PTPN11: variants seen among roughly 807,000 people sequenced by gnomAD.
PTPN11 encodes protein tyrosine phosphatase non-receptor type 11.
PTPN11 carries 6 observed loss-of-function variants against 78.8 expected under a neutral mutation model. That is an observed-to-expected ratio of 0.08 (90% CI 0.04 to 0.15). The LOEUF is 0.15. Among genes scored for constraint, PTPN11 ranks in the 10% least tolerant of loss-of-function variants. PTPN11 has a pLI of 1.00. For synonymous variants in PTPN11, 221 were observed against 263.5 expected, an observed-to-expected ratio of 0.84 and a Z score of 1.56; for missense variants, 386 against 744.8, an observed-to-expected ratio of 0.52 and a Z score of 5.61.
chr12:112,423,297 T>C (rs1222721693), intron 1 of PTPN11, among the ~76,000 whole-genome samples: 1 of 152,178 alleles, frequency 6.6e-6, no homozygotes, highest in Non-Finnish European at 1.5e-5. Flanking sequence ...TGAAATTTTT[T>C]TTTTTTGAAA....
At chr12:112,496,763 T>C (rs1673672716) in intron 13 of PTPN11, among the ~76,000 whole-genome samples, 1 of 152,212 alleles carries the variant, frequency 6.6e-6, no homozygotes, top group Admixed American at 6.5e-5. Context: ...CATGTGAGAA[T>C]TGTATTTGCA....
intron 5 of PTPN11, chr12:112,454,894 A>C: frequency 1.7e-6 from 1 of 586,646 alleles, no homozygotes. Flanking sequence ...ATCTTGGCTC[A>C]CTACAACCTC....
intron 10 of PTPN11, 134 bp from the exon 11 acceptor site, chr12:112,486,341 C>T (rs573628273): frequency 5.2e-5 from 49 of 940,440 alleles, no homozygotes; most frequent in Non-Finnish European, 7.0e-5. Flanking sequence ...GGGAACCTCA[C>T]GAAGAGGACC....
At chr12:112,432,833 G>A (rs1306410847) in intron 1 of PTPN11, among the ~76,000 whole-genome samples, 4 of 151,946 alleles carry the variant, frequency 2.6e-5, no homozygotes, top group Admixed American at 1.3e-4. Flanking sequence ...AGATTATGGT[G>A]GAGCTGTCCT....
chr12:112,488,268 G>A (rs1592853978), intron 11 of PTPN11, among the ~76,000 whole-genome samples, 175 bp from the exon 12 acceptor site: 1 of 152,070 alleles, frequency 6.6e-6, no homozygotes, highest in African/African-American at 2.4e-5. Context: ...AGCAGGTTTG[G>A]GCTGACTCCA....
intron 13 of PTPN11, among the ~76,000 whole-genome samples, chr12:112,494,470 T>A (rs80004415): frequency 6.6e-6 from 1 of 151,320 alleles, no homozygotes; most frequent in Non-Finnish European, 1.5e-5. Flanking sequence ...TACTACTATT[T>A]TTGTTGTTAT....
chr12:112,453,521 A>G (rs1320032319), intron 4 of PTPN11, 134 bp downstream of exon 4: 2 of 767,778 alleles, frequency 2.6e-6, no homozygotes, highest in Non-Finnish European at 4.1e-6. Flanking sequence ...TATTTATTTG[A>G]GACAGGGTCT....
chr12:112,454,650 A>C lies in PTPN11; in HGVS notation c.612A>C (p.Glu204Asp), dbSNP rs2038126760. The C allele has an allele frequency of 1.2e-6, 2 of 1,613,326 alleles. No homozygotes were observed. Residue 204 changes from glutamate to aspartate, a missense_variant, in exon 5 of 16, where the codon GAA becomes GAC. This residue lies in a region of PTPN11 where 279 missense variants were observed against 503.3 expected (regional missense o/e 0.55). Coordinates refer to ENST00000351677, the MANE Select transcript of PTPN11 (RefSeq NM_002834.5). Reference sequence around the variant, plus strand: ...ATTATAAGAAGAATCCTATGGTGGAAACATTGGGTACAGTACTACAACTCA... The same window carrying C: ...ATTATAAGAAGAATCCTATGGTGGACACATTGGGTACAGTACTACAACTCA... ...VEHYKKNPMVETLGTVLQLKQ... is the reference protein window; with the variant it reads ...VEHYKKNPMVDTLGTVLQLKQ...
intron 2 of PTPN11, among the ~76,000 whole-genome samples, chr12:112,447,890 C>T (rs1308688870): frequency 6.6e-6 from 1 of 151,078 alleles, no homozygotes; most frequent in Non-Finnish European, 1.5e-5. Context: ...CAACCTCTGC[C>T]TCCTGAGTTC....
intron 4 of PTPN11, 97 bp downstream of exon 4, chr12:112,453,484 T>C: frequency 1.1e-6 from 1 of 918,700 alleles, no homozygotes. Flanking sequence ...AAAGTCAGAT[T>C]GTCTTTTATT....
chr12:112,476,290 TGAG>T (rs1309282348), intron 7 of PTPN11, among the ~76,000 whole-genome samples: 1 of 152,174 alleles, frequency 6.6e-6, no homozygotes, highest in African/African-American at 2.4e-5. Flanking sequence ...TCCTTAAAGA[TGAG>T]GAGTCTGAAG....
In PTPN11 at chr12:112,454,628, A is replaced by G. The variant is rs1266830703; in HGVS notation, c.590A>G (p.Tyr197Cys). Reference sequence around the variant, plus strand: ...TCTTTGACAGATCTTGTGGAACATTATAAGAAGAATCCTATGGTGGAAACA... The same window carrying G: ...TCTTTGACAGATCTTGTGGAACATTGTAAGAAGAATCCTATGGTGGAAACA... ...FDSLTDLVEH[Y>C]KKNPMVETLG... The change falls in exon 5 of 16, where the codon TAT becomes TGT. Residue 197 changes from tyrosine to cysteine, a missense_variant. Around this residue, in one of 3 missense-constraint regions of PTPN11, gnomAD observed 279 missense variants for 503.3 expected, o/e 0.55. Coordinates refer to ENST00000351677, the MANE Select transcript of PTPN11 (RefSeq NM_002834.5). The G allele has an allele frequency of 1.2e-6, 2 of 1,613,818 alleles. No homozygotes were observed. Among genetic ancestry groups the G allele is most frequent in the Non-Finnish European group, 1.7e-6 (2 of 1,179,868 alleles).
intron 6 of PTPN11, among the ~76,000 whole-genome samples, chr12:112,462,425 A>G (rs969061140): frequency 2.0e-5 from 3 of 151,996 alleles, no homozygotes; most frequent in African/African-American, 4.8e-5. Context: ...CTGTGTGGCT[A>G]TATGCTAACT....
Position 112,482,515 on chromosome 12 carries a change from G to A in PTPN11, c.1224+310G>A, listed in dbSNP as rs566079590. 2.6e-4 allele frequency among the ~76,000 whole-genome samples: 39 copies of A among 152,224 alleles called. No homozygotes were observed. The highest frequency in any genetic ancestry group is 7.8e-4 in the Admixed American group (12 of 15,288). ...TTTGGGAGGCTGAGGTGGGTGGATCGCTTGAGCCGGGGAGTTCGAGACCAG... is the reference window on the plus strand; with the variant it reads ...TTTGGGAGGCTGAGGTGGGTGGATCACTTGAGCCGGGGAGTTCGAGACCAG... On this transcript the variant is annotated intron_variant, in intron 10 of 15. Coordinates refer to ENST00000351677, the MANE Select transcript of PTPN11 (RefSeq NM_002834.5). The surrounding 1 kb of genome is among the most constrained non-coding windows in gnomAD (Gnocchi z 4.4).
intron 1 of PTPN11, among the ~76,000 whole-genome samples, chr12:112,442,024 G>A (rs969183084): frequency 9.3e-5 from 14 of 151,322 alleles, no homozygotes; most frequent in African/African-American, 2.4e-4. Context: ...TGATCCGCCC[G>A]CCTCGGCCTC....
chr12:112,439,286 AT>A (rs765853544), intron 1 of PTPN11, among the ~76,000 whole-genome samples: 18 of 151,982 alleles, frequency 1.2e-4, no homozygotes, highest in Non-Finnish European at 2.9e-5. Context: ...TTTTTAAAAA[AT>A]TTATTCTTAT....
At chr12:112,454,273 C>T (rs1328364571) in intron 4 of PTPN11, among the ~76,000 whole-genome samples, 3 of 152,212 alleles carry the variant, frequency 2.0e-5, no homozygotes, top group Middle Eastern at 3.4e-3. Flanking sequence ...GTGTCCACCA[C>T]CAAGCCTGGC....
At chr12:112,425,527 G>A (rs750978483) in intron 1 of PTPN11, among the ~76,000 whole-genome samples, 19 of 152,092 alleles carry the variant, frequency 1.2e-4, no homozygotes, top group Non-Finnish European at 2.5e-4. Context: ...AAATTTATAT[G>A]TATACAAGAA....
intron 7 of PTPN11, among the ~76,000 whole-genome samples, chr12:112,475,098 T>C (rs1011026535): frequency 1.3e-5 from 2 of 152,234 alleles, no homozygotes; most frequent in African/African-American, 4.8e-5. Context: ...TTTGCATTTT[T>C]ATCTCACTTA....
Sources: gnomAD v4.1 joint callset for allele counts (sites outside exome capture counted in the v4.1 genomes callset) on GRCh38, gnomAD v4.1.1 for gene constraint, gnomAD v4.1.1 regional missense constraint, Gnocchi (gnomAD v3.1) non-coding constraint, MANE v1.5 for transcripts, NCBI Gene and HGNC (gene_info 2026-07-23, HGNC 2026-07-21) for gene names.